Variants in ANO10 observed in about 807,000 individuals in gnomAD.
The protein encoded by ANO10 is anoctamin-10.
A neutral mutation model predicts 74.7 loss-of-function variants in ANO10; 77 were observed. The observed-to-expected ratio is 1.03, with a 90% CI of 0.86 to 1.25. ANO10 has a LOEUF of 1.25. Among genes scored for constraint, ANO10 ranks in the 50% most tolerant of loss-of-function variants. The pLI is 0.00. For synonymous variants in ANO10, 279 were observed against 284.9 expected (o/e 0.98, Z 0.21); for missense variants, 721 against 778.1 (o/e 0.93, Z 0.87).
chr3:43,406,446 C>T lies in ANO10; in HGVS notation c.1914+26165G>A, dbSNP rs72863677. 5.8e-3 allele frequency among the ~76,000 whole-genome samples: 889 copies of T among 152,134 alleles called. 7 individuals carry two copies. Among genetic ancestry groups the T allele is most frequent in the African/African-American group, 0.019 (807 of 41,518 alleles). On this transcript the variant is annotated intron_variant, in intron 12 of 12. Transcript: ENST00000292246. ...TTGTGAGCCAATACTGAAATAGGGG[C>T]AAAAAATAAGCCATCATCACCTATT...
intron 12 of ANO10, among the ~76,000 whole-genome samples, chr3:43,395,591 T>C (rs1479313361): frequency 2.6e-5 from 4 of 152,188 alleles, no homozygotes; most frequent in African/African-American, 9.6e-5. Flanking sequence ...CAGTAGTACA[T>C]ACATGTGTGA....
chr3:43,543,077 A>G (rs1293210260), intron 11 of ANO10, among the ~76,000 whole-genome samples: 1 of 152,188 alleles, frequency 6.6e-6, no homozygotes, highest in African/African-American at 2.4e-5. Flanking sequence ...CAGTATAGGG[A>G]TAGAATCCAC....
At chr3:43,659,231 G>T (rs527836480) in intron 1 of ANO10, among the ~76,000 whole-genome samples, 1 of 152,176 alleles carries the variant, frequency 6.6e-6, no homozygotes, top group Admixed American at 6.5e-5. Context: ...CCCATGGAGG[G>T]TGAGCCAAAG....
intron 12 of ANO10, among the ~76,000 whole-genome samples, chr3:43,371,520 C>T (rs1159610568): frequency 1.3e-5 from 2 of 152,206 alleles, no homozygotes; most frequent in Non-Finnish European, 1.5e-5. Context: ...CTTTTCAAAG[C>T]TCCCCAACTG....
At chr3:43,488,593 A>G (rs2076593009) in intron 11 of ANO10, among the ~76,000 whole-genome samples, 1 of 152,004 alleles carries the variant, frequency 6.6e-6, no homozygotes, top group Admixed American at 6.5e-5. Flanking sequence ...TGGCCATCAG[A>G]GAAATGCAAA....
At chr3:43,633,303 T>C (rs2083569397) in intron 1 of ANO10, among the ~76,000 whole-genome samples, 1 of 152,164 alleles carries the variant, frequency 6.6e-6, no homozygotes, top group African/African-American at 2.4e-5. Context: ...GTAGATGAAA[T>C]ACCACATACA....
chr3:43,561,412 A>G lies in ANO10; in HGVS notation c.1294-10T>C. 1 of 1,613,364 alleles carries G rather than the reference A, an allele frequency of 6.2e-7. No individual in the cohort carries two copies. The highest frequency in any genetic ancestry group is 8.5e-7 in the Non-Finnish European group (1 of 1,179,336). On this transcript the variant is annotated splice_polypyrimidine_tract_variant and intron_variant, in intron 8 of 12. Coordinates refer to ENST00000292246, the MANE Select transcript of ANO10 (RefSeq NM_018075.5). Reference sequence around the variant, plus strand: ...GGAGAGTGGCCAAGCTCTAAAGAGAAGCACACAAATCACATTTTGGGAATA... The same window carrying G: ...GGAGAGTGGCCAAGCTCTAAAGAGAGGCACACAAATCACATTTTGGGAATA...
At chr3:43,384,084 A>C (rs993601498) in intron 12 of ANO10, among the ~76,000 whole-genome samples, 1 of 152,238 alleles carries the variant, frequency 6.6e-6, no homozygotes, top group Non-Finnish European at 1.5e-5. Context: ...CCAGATACAA[A>C]ATTAATGTAC....
rs73087049 is a variant in ANO10 at position 43,602,969 on chromosome 3, C to T, written c.140-2388G>A. Among the ~76,000 whole-genome samples, 1,455 of 152,310 alleles carry T rather than the reference C, an allele frequency of 9.6e-3. 16 individuals are homozygous for T. Among genetic ancestry groups the T allele is most frequent in the South Asian group, 0.024 (117 of 4,828 alleles). ...GGATTTTTAGCTCCCTTTCTTTCTT[C>T]ACCATTTCCATTCATCATTCCCATC... On this transcript the variant is annotated intron_variant, in intron 2 of 12. Coordinates refer to ENST00000292246, the MANE Select transcript of ANO10 (RefSeq NM_018075.5).
intron 12 of ANO10, among the ~76,000 whole-genome samples, chr3:43,428,818 A>AAAAAAAAAAAC (rs2092938451): frequency 6.7e-6 from 1 of 148,502 alleles, no homozygotes; most frequent in Non-Finnish European, 1.5e-5. Context: ...AAAAAAAAAA[A>AAAAAAAAAAAC]GTCATTGAAG....
intron 12 of ANO10, among the ~76,000 whole-genome samples, chr3:43,404,532 A>C (rs1211863456): frequency 6.6e-6 from 1 of 152,136 alleles, no homozygotes; most frequent in African/African-American, 2.4e-5. Flanking sequence ...CGAAATAACA[A>C]ATGTGGACTG....
rs962975635 is a variant in ANO10 at position 43,394,042 on chromosome 3, C to CT, written c.1915-27069dup. 1.2e-4 allele frequency among the ~76,000 whole-genome samples: 18 copies of CT among 151,950 alleles called. No individual in the cohort carries two copies. In the South Asian group the frequency reaches 3.5e-3, roughly 30 times the overall value. On this transcript the variant is annotated intron_variant, in intron 12 of 12. Transcript: ENST00000292246. ...TGTGAACACTCACAGGGTATCATAA[C>CT]TTTTTTTTTCTGTCACTTCATTTGC...
chr3:43,582,080 A>G (rs936005827), intron 4 of ANO10, among the ~76,000 whole-genome samples: 1 of 152,174 alleles, frequency 6.6e-6, no homozygotes, highest in African/African-American at 2.4e-5. Context: ...CTGTTACCAG[A>G]GACAGATGAT....
At chr3:43,475,731 C>T (rs944433186) in intron 11 of ANO10, among the ~76,000 whole-genome samples, 3 of 152,040 alleles carry the variant, frequency 2.0e-5, no homozygotes, top group Admixed American at 1.3e-4. Flanking sequence ...CCGGAGCAGC[C>T]GGGATTACAG....
chr3:43,485,834 C>T, intron 11 of ANO10: 2 of 283,212 alleles, frequency 7.1e-6, no homozygotes, highest in Non-Finnish European at 1.4e-5. Flanking sequence ...GGTGTGCAGG[C>T]AGCGACCCAC....
chr3:43,566,734 G>T lies in ANO10; in HGVS notation c.1219-1007C>A, dbSNP rs536339123. Among the ~76,000 whole-genome samples the T allele has an allele frequency of 6.0e-4, 92 of 152,296 alleles. 1 individual carries two copies. Among genetic ancestry groups the T allele is most frequent in the African/African-American group, 2.2e-3 (91 of 41,554 alleles). On this transcript the variant is annotated intron_variant, in intron 7 of 12. Coordinates refer to ENST00000292246, the MANE Select transcript of ANO10 (RefSeq NM_018075.5). ...AAGTAGATAAAACCACAAAGATGGG[G>T]AAAAACCTGAACAGAAAAACTGGAA...
intron 12 of ANO10, among the ~76,000 whole-genome samples, chr3:43,392,576 T>C (rs997748577): frequency 3.9e-5 from 6 of 152,252 alleles, no homozygotes; most frequent in East Asian, 1.9e-4. Flanking sequence ...TTTTAAACCA[T>C]TGCTGCTCAC....
At chr3:43,500,733 T>C (rs540062841) in intron 11 of ANO10, among the ~76,000 whole-genome samples, 71 of 152,358 alleles carry the variant, frequency 4.7e-4, no homozygotes, top group Non-Finnish European at 9.4e-4. Context: ...GACACTTTAG[T>C]GCACAAACAC....
intron 11 of ANO10, among the ~76,000 whole-genome samples, chr3:43,544,796 TAAAAAAAAAA>T (rs556665373): frequency 9.0e-6 from 1 of 110,938 alleles, no homozygotes; most frequent in Non-Finnish European, 1.8e-5. Context: ...CTGTCTGAAA[TAAAAAAAAAA>T]AAAAAAAAAA....
Sources: gnomAD v4.1 joint callset for allele counts (sites outside exome capture counted in the v4.1 genomes callset) on GRCh38, gnomAD v4.1.1 for gene constraint, MANE v1.5 for transcripts, NCBI Gene and HGNC (gene_info 2026-07-23, HGNC 2026-07-21) for gene names.